The following RNF17 variants were observed in gnomAD, a reference collection of about 807,000 sequenced individuals.
The protein encoded by RNF17 is ring finger protein 17, also known as spermatogenesis associated 23.
Under a neutral mutation model 200.5 loss-of-function variants are expected in RNF17, and 31 were observed. The observed-to-expected ratio is 0.15, with a 90% CI of 0.12 to 0.21. The LOEUF (loss-of-function observed/expected upper bound fraction) is 0.21, where lower values mean the gene tolerates loss of function less well. RNF17 is among the 10% of genes least tolerant of loss of function. The probability of loss-of-function intolerance (pLI) is 1.00; values close to 1 mark genes in which losing one functional copy is unlikely to be tolerated. For synonymous variants in RNF17, 606 were observed against 637.8 expected (o/e 0.95, Z 0.75); for missense variants, 1,628 against 1,905.1 (o/e 0.85, Z 2.71).
At chr13:24,844,558 G>A in intron 20 of RNF17, 94 bp from the exon 21 acceptor site, 1 of 982,366 alleles carries the variant, frequency 1.0e-6, no homozygotes, top group Non-Finnish European at 1.5e-6. Flanking sequence ...AGCTTGGCTG[G>A]AGCGGAATGA....
chr13:24,877,216 T>C (rs760646792), intron 34 of RNF17, 30 bp downstream of exon 34: 1 of 1,568,386 alleles, frequency 6.4e-7, no homozygotes, highest in South Asian at 1.1e-5. Context: ...AAAATTATTG[T>C]AAAGCTATTT....
downstream of RNF17, chr13:24,884,584 G>C (rs1019016491): frequency 3.6e-5 from 35 of 964,334 alleles, no homozygotes; most frequent in Non-Finnish European, 5.4e-5. Context: ...TCCCTCAAAA[G>C]ATCCTTTATT....
At chr13:24,884,495 A>AT (rs760849359), downstream of RNF17, 1 of 1,612,520 alleles carries the variant, frequency 6.2e-7, no homozygotes, top group South Asian at 1.1e-5. Flanking sequence ...ATCACCTAAG[A>AT]TTTTCTCCTG....
the RNF17 span, among the ~76,000 whole-genome samples, chr13:24,749,276 C>T: frequency 6.7e-6 from 1 of 148,294 alleles, no homozygotes; most frequent in Non-Finnish European, 1.5e-5. Flanking sequence ...ACAGTTCAAA[C>T]ATTAGAACTT....
chr13:24,780,453 G>A (rs1195513849), intron 5 of RNF17, among the ~76,000 whole-genome samples: 3 of 152,150 alleles, frequency 2.0e-5, no homozygotes. Context: ...TTGGGATAGT[G>A]GGGACACAAT....
At chr13:24,871,958 CTTTTTTTTTTTTT>C (rs60797153) in intron 32 of RNF17, among the ~76,000 whole-genome samples, 32 of 71,766 alleles carry the variant, frequency 4.5e-4, no homozygotes, top group Non-Finnish European at 5.8e-4. Context: ...TTATTGATGA[CTTTTTTTTTTTTT>C]TTTTTTTTTT....
At chr13:24,776,142 C>A (rs4353361) in intron 3 of RNF17, among the ~76,000 whole-genome samples, 1 of 152,118 alleles carries the variant, frequency 6.6e-6, no homozygotes, top group Non-Finnish European at 1.5e-5. Flanking sequence ...ACTCTAGTTC[C>A]TTCTATTACA....
At chr13:24,848,817 GAT>G (rs1484365233) in intron 22 of RNF17, among the ~76,000 whole-genome samples, 1 of 151,954 alleles carries the variant, frequency 6.6e-6, no homozygotes, top group Non-Finnish European at 1.5e-5. Context: ...GGATAACCTT[GAT>G]GTTACATTGA....
At chr13:24,873,108 G>C (rs547130598) in intron 32 of RNF17, among the ~76,000 whole-genome samples, 11 of 152,288 alleles carry the variant, frequency 7.2e-5, no homozygotes, top group African/African-American at 1.9e-4. Context: ...CATAGCAAAT[G>C]AAAGGACAGA....
At chr13:24,764,127 G>GCCT (rs1879176256), upstream of RNF17, 3 of 1,390,918 alleles carry the variant, frequency 2.2e-6, no homozygotes, top group Non-Finnish European at 3.0e-6. Flanking sequence ...GCAGGGGCTG[G>GCCT]CCTCCAATGA....
chr13:24,865,439 A>G (rs995240073), intron 29 of RNF17, among the ~76,000 whole-genome samples: 3 of 152,198 alleles, frequency 2.0e-5, no homozygotes, highest in Non-Finnish European at 2.9e-5. Context: ...CTTAGCTTCC[A>G]TAAGTGGCTC....
downstream of RNF17, chr13:24,883,284 T>A: frequency 6.2e-7 from 1 of 1,614,022 alleles, no homozygotes; most frequent in South Asian, 1.1e-5. Flanking sequence ...GTTTTAACAG[T>A]GCCATCTGGG....
At chr13:24,825,562 A>C in intron 15 of RNF17, 57 bp from the exon 16 acceptor site, 1 of 1,167,782 alleles carries the variant, frequency 8.6e-7, no homozygotes, top group Non-Finnish European at 1.2e-6. Context: ...TAATTCATTC[A>C]ACACTTACAT....
At chr13:24,884,128 A>G (rs2138527526), downstream of RNF17, 1 of 1,588,418 alleles carries the variant, frequency 6.3e-7, no homozygotes, top group South Asian at 1.1e-5. Context: ...AAGGAAGGGA[A>G]GAATTTAATG....
chr13:24,875,643 T>G (rs576881196), intron 33 of RNF17, among the ~76,000 whole-genome samples: 1 of 152,298 alleles, frequency 6.6e-6, no homozygotes, highest in African/African-American at 2.4e-5. Flanking sequence ...ATCAAGACCC[T>G]GAAGCATTTC....
chr13:24,825,538 A>C, intron 15 of RNF17, 81 bp from the exon 16 acceptor site: 1 of 883,894 alleles, frequency 1.1e-6, no homozygotes, highest in Non-Finnish European at 1.7e-6. Flanking sequence ...TCATAATTTC[A>C]ATGACAGTGC....
At chr13:24,884,252 A>G (rs778295600), downstream of RNF17, 1 of 1,613,992 alleles carries the variant, frequency 6.2e-7, no homozygotes, top group African/African-American at 1.3e-5. Context: ...AGATCTGTAA[A>G]GACACACAGT....
At chr13:24,786,428 A>C (rs1318788471) in intron 6 of RNF17, among the ~76,000 whole-genome samples, 1 of 152,212 alleles carries the variant, frequency 6.6e-6, no homozygotes, top group Non-Finnish European at 1.5e-5. Context: ...AAAAAGTAGA[A>C]TTATAAATTA....
At chr13:24,777,977 G>T (rs533073848) in intron 3 of RNF17, among the ~76,000 whole-genome samples, 14 of 152,042 alleles carry the variant, frequency 9.2e-5, no homozygotes, top group Admixed American at 6.6e-4. Flanking sequence ...AATAATGTAC[G>T]TGGGCCAGGC....
Sources: gnomAD v4.1 joint callset for allele counts (sites outside exome capture counted in the v4.1 genomes callset) on GRCh38, gnomAD v4.1.1 for gene constraint, MANE v1.5 for transcripts, NCBI Gene and HGNC (gene_info 2026-07-23, HGNC 2026-07-21) for gene names.